GPR137C: variants seen among roughly 807,000 people sequenced by gnomAD.
GPR137C encodes the protein integral membrane protein GPR137C.
GPR137C carries 27 observed loss-of-function variants against 43.4 expected under a neutral mutation model. The ratio of observed to expected loss-of-function variants is 0.62; its 90% CI spans 0.46 to 0.86. The LOEUF is 0.86. Among genes scored for constraint, GPR137C ranks in the 40% least tolerant of loss-of-function variants. GPR137C has a pLI of 0.00. For missense variants in GPR137C, 522 were observed against 534.6 expected (o/e 0.98, Z 0.23); for synonymous variants, 285 against 226.9 (o/e 1.26, Z -2.30).
chr14:52,633,674 C>T lies in GPR137C; in HGVS notation c.993+19C>T. ...GAATTTGGTATGATATAATATTCCCCAATGCCTGTTCTCCTATTTTTAAAA... is the reference window on the plus strand; with the variant it reads ...GAATTTGGTATGATATAATATTCCCTAATGCCTGTTCTCCTATTTTTAAAA... On this transcript the variant is annotated intron_variant, in intron 5 of 6. Coordinates refer to ENST00000321662, the MANE Select transcript of GPR137C (RefSeq NM_001099652.2). The T allele has an allele frequency of 6.2e-7, 1 of 1,610,196 alleles. No individual in the cohort carries two copies. Among genetic ancestry groups the T allele is most frequent in the Non-Finnish European group, 8.5e-7 (1 of 1,177,670 alleles).
At chr14:52,618,391 T>C (rs1369210097) in intron 3 of GPR137C, among the ~76,000 whole-genome samples, 1 of 152,214 alleles carries the variant, frequency 6.6e-6, no homozygotes. Context: ...TTTTTGTCTA[T>C]TGCTAACATT....
chr14:52,581,996 C>G (rs779091254), intron 1 of GPR137C, among the ~76,000 whole-genome samples: 3 of 152,160 alleles, frequency 2.0e-5, no homozygotes, highest in Non-Finnish European at 4.4e-5. Context: ...TCCAGTGTAA[C>G]CCTCTTGTCT....
At chr14:52,625,747 G>T (rs1322331467) in intron 3 of GPR137C, among the ~76,000 whole-genome samples, 1 of 151,456 alleles carries the variant, frequency 6.6e-6, no homozygotes, top group African/African-American at 2.4e-5. Flanking sequence ...GTAGAGACGG[G>T]TTTTCACCGT....
At chr14:52,555,855 C>A (rs2038184484) in intron 1 of GPR137C, among the ~76,000 whole-genome samples, 1 of 152,078 alleles carries the variant, frequency 6.6e-6, no homozygotes, top group Non-Finnish European at 1.5e-5. Flanking sequence ...TTTTTGAAAG[C>A]CTGTTTGAAA....
chr14:52,580,789 ATATATT>A (rs1416427545), intron 1 of GPR137C, among the ~76,000 whole-genome samples: 124 of 145,294 alleles, frequency 8.5e-4, no homozygotes, highest in Non-Finnish European at 6.1e-4. Flanking sequence ...TATCTACTAA[ATATATT>A]TATATTTATA....
In GPR137C at chr14:52,555,229, C is replaced by G. The variant is rs140881378; in HGVS notation, c.444+1638C>G. Among the ~76,000 whole-genome samples, 640 of 152,058 alleles carry G rather than the reference C, an allele frequency of 4.2e-3. 4 individuals carry two copies. Among genetic ancestry groups the G allele is most frequent in the African/African-American group, 0.015 (611 of 41,458 alleles). Reference sequence around the variant, plus strand: ...TTTTTTCCCTATATATTTTGATTTACAAAATAATATGAATGATTCACTGTA... The same window carrying G: ...TTTTTTCCCTATATATTTTGATTTAGAAAATAATATGAATGATTCACTGTA... On this transcript the variant is annotated intron_variant, in intron 1 of 6. Transcript: ENST00000321662.
At chr14:52,559,681 A>G (rs967941488) in intron 1 of GPR137C, among the ~76,000 whole-genome samples, 2 of 152,228 alleles carry the variant, frequency 1.3e-5, no homozygotes, top group African/African-American at 2.4e-5. Flanking sequence ...AGCCATTGCA[A>G]TAGGCAAGGG....
At chr14:52,584,478 G>T (rs1269918193) in intron 1 of GPR137C, among the ~76,000 whole-genome samples, 1 of 152,170 alleles carries the variant, frequency 6.6e-6, no homozygotes, top group Non-Finnish European at 1.5e-5. Flanking sequence ...TTCGTGTAAG[G>T]TTACGGTGAC....
intron 3 of GPR137C, among the ~76,000 whole-genome samples, chr14:52,606,348 AT>A (rs1177538272): frequency 6.6e-6 from 1 of 151,738 alleles, no homozygotes; most frequent in Non-Finnish European, 1.5e-5. Context: ...GTCTCTAATG[AT>A]TTCTTGTATT....
intron 1 of GPR137C, among the ~76,000 whole-genome samples, chr14:52,591,821 T>G (rs2038788160): frequency 6.6e-6 from 1 of 152,192 alleles, no homozygotes; most frequent in Non-Finnish European, 1.5e-5. Flanking sequence ...CAGAAGCTCT[T>G]TATTTAATTA....
chr14:52,564,630 G>T (rs558965507), intron 1 of GPR137C, among the ~76,000 whole-genome samples: 162 of 152,136 alleles, frequency 1.1e-3, no homozygotes, highest in African/African-American at 3.7e-3. Flanking sequence ...GGAGCATTAT[G>T]CTGCTCTTCT....
chr14:52,578,394 A>G (rs1030334988), intron 1 of GPR137C, among the ~76,000 whole-genome samples: 1 of 151,764 alleles, frequency 6.6e-6, no homozygotes, highest in African/African-American at 2.4e-5. Flanking sequence ...GAGTTTCCCA[A>G]TTTCCAGCCT....
At chr14:52,568,332 G>A (rs2038405287) in intron 1 of GPR137C, among the ~76,000 whole-genome samples, 1 of 152,142 alleles carries the variant, frequency 6.6e-6, no homozygotes, top group African/African-American at 2.4e-5. Context: ...TCCCTTGGGT[G>A]CCAACACCAC....
chr14:52,571,220 C>T (rs2038462921), intron 1 of GPR137C, among the ~76,000 whole-genome samples: 1 of 152,158 alleles, frequency 6.6e-6, no homozygotes, highest in Non-Finnish European at 1.5e-5. Flanking sequence ...ACTGAACAAC[C>T]TGCTCCTGAA....
intron 3 of GPR137C, among the ~76,000 whole-genome samples, chr14:52,604,381 T>A (rs544029324): frequency 8.5e-5 from 13 of 152,092 alleles, no homozygotes; most frequent in Non-Finnish European, 1.5e-4. Context: ...TTCTAGTACT[T>A]TCATAGTTTC....
rs188347371 is a variant in GPR137C, at chr14:52,602,625, G to T, written c.717+2284G>T. 6.6e-5 allele frequency among the ~76,000 whole-genome samples: 10 copies of T among 152,066 alleles called. No homozygotes were observed. The East Asian group carries it at 1.9e-3, about 29-fold the overall frequency. On this transcript the variant is annotated intron_variant, in intron 3 of 6. Coordinates refer to ENST00000321662, the MANE Select transcript of GPR137C (RefSeq NM_001099652.2). ...CACACATCTCTATCTGATTGTTCAT[G>T]TCTTATCTAACTTTAAAGACCTCAC...
chr14:52,603,704 T>A (rs1042213397), intron 3 of GPR137C, among the ~76,000 whole-genome samples: 2 of 151,856 alleles, frequency 1.3e-5, no homozygotes, highest in African/African-American at 4.8e-5. Flanking sequence ...CTGGCTAAAT[T>A]TTTTTTGTGT....
At chr14:52,588,678 A>C (rs76284993) in intron 1 of GPR137C, among the ~76,000 whole-genome samples, 1 of 152,198 alleles carries the variant, frequency 6.6e-6, no homozygotes, top group Non-Finnish European at 1.5e-5. Context: ...GACTAAATAC[A>C]CATGAAATAT....
intron 3 of GPR137C, among the ~76,000 whole-genome samples, 155 bp from the exon 4 acceptor site, chr14:52,632,005 G>A (rs2039300124): frequency 6.6e-6 from 1 of 151,892 alleles, no homozygotes; most frequent in Admixed American, 6.6e-5. Context: ...TCTAGGAATA[G>A]GAATTGAAAA....
Sources: gnomAD v4.1 joint callset for allele counts (sites outside exome capture counted in the v4.1 genomes callset) on GRCh38, gnomAD v4.1.1 for gene constraint, MANE v1.5 for transcripts, NCBI Gene and HGNC (gene_info 2026-07-23, HGNC 2026-07-21) for gene names.